The following WDR62 variants were observed in gnomAD, a reference collection of about 807,000 sequenced individuals.
WDR62 encodes the protein WD repeat-containing protein 62.
Under a neutral mutation model 160.6 loss-of-function variants are expected in WDR62, and 112 were observed. The ratio of observed to expected loss-of-function variants is 0.70; its 90% CI spans 0.60 to 0.82. WDR62 has a LOEUF of 0.82. Ranked by LOEUF, WDR62 falls within the 40% of genes least tolerant of loss-of-function variation. The probability of loss-of-function intolerance (pLI) is 0.00; values close to 1 mark genes in which losing one functional copy is unlikely to be tolerated. For missense variants in WDR62, 1,819 were observed against 1,983.8 expected (o/e 0.92, Z 1.58); for synonymous variants, 792 against 815.1 (o/e 0.97, Z 0.48).
intron 3 of WDR62, among the ~76,000 whole-genome samples, chr19:36,063,018 C>T (rs1274938693): frequency 6.6e-6 from 1 of 152,018 alleles, no homozygotes; most frequent in Admixed American, 6.6e-5. Flanking sequence ...GGGATCCTGG[C>T]TCACTGCAAC....
intron 13 of WDR62, 58 bp downstream of exon 13, chr19:36,086,870 T>G: frequency 6.3e-7 from 1 of 1,578,986 alleles, no homozygotes; most frequent in Non-Finnish European, 8.6e-7. Context: ...AAAAAAGGAT[T>G]CATTCTTTCA....
chr19:36,104,977 C>T lies in WDR62; in HGVS notation c.4521C>T (p.His1507=). 6.2e-7 allele frequency: 1 copy of T among 1,604,512 alleles called. No homozygotes were observed. Among genetic ancestry groups the T allele is most frequent in the African/African-American group, 1.3e-5 (1 of 74,948 alleles). ...CAGACCTGCAGGCCCTGCTGGAACACTACTCGGAGCTGCTGGTGCAGGCCG... is the reference window on the plus strand; with the variant it reads ...CAGACCTGCAGGCCCTGCTGGAACATTACTCGGAGCTGCTGGTGCAGGCCG... ...ASPDLQALLE[H]YSELLVQAVR... The change falls in exon 32 of 32, where the codon CAC becomes CAT. Residue 1507 remains histidine, a synonymous_variant. Transcript: ENST00000401500.
intron 6 of WDR62, 142 bp downstream of exon 6, chr19:36,067,585 G>GCCTACTCTCAGGGTGCC: frequency 7.6e-7 from 1 of 1,315,828 alleles, no homozygotes; most frequent in Non-Finnish European, 1.1e-6. Flanking sequence ...CTGCTTCTGG[G>GCCTACTCTCAGGGTGCC]CCTACTCTCA....
At chr19:36,090,629 C>A in intron 16 of WDR62, 109 bp downstream of exon 16, 1 of 992,356 alleles carries the variant, frequency 1.0e-6, no homozygotes, top group Non-Finnish European at 1.6e-6. Context: ...ACCGCGCTGC[C>A]CAGCACCTTC....
chr19:36,059,342 GGTTT>G (rs2145522280), intron 2 of WDR62, among the ~76,000 whole-genome samples: 1 of 152,198 alleles, frequency 6.6e-6, no homozygotes, highest in East Asian at 1.9e-4. Context: ...CCCCTCTCTG[GGTTT>G]GTTTCCTTAT....
At chr19:36,099,766 C>T (rs1020455930) in intron 22 of WDR62, 149 bp downstream of exon 22, 2 of 806,352 alleles carry the variant, frequency 2.5e-6, no homozygotes, top group Non-Finnish European at 4.1e-6. Context: ...GTCTGTTGCA[C>T]AGCAAGACTT....
chr19:36,088,042 A>G (rs1459462698), intron 13 of WDR62, among the ~76,000 whole-genome samples: 1 of 152,226 alleles, frequency 6.6e-6, no homozygotes, highest in East Asian at 1.9e-4. Context: ...CTCCCAGGTT[A>G]CCCTTCCTCC....
rs569499214 is a variant in WDR62 at position 36,069,012 on chromosome 19, G to T, written c.882+1002G>T. Among the ~76,000 whole-genome samples the T allele has an allele frequency of 2.5e-3, 374 of 151,482 alleles. 2 individuals carry two copies. Among genetic ancestry groups the T allele is most frequent in the Middle Eastern group, 0.011 (3 of 284 alleles). ...CCCCCACCTCCCTCCCTGACGGGCC[G>T]GCTGGCTGGGCAGGGGCTGACCCCC... On this transcript the variant is annotated intron_variant, in intron 7 of 31. Transcript: ENST00000401500.
chr19:36,096,826 A>G (rs1972994646), intron 20 of WDR62, among the ~76,000 whole-genome samples: 1 of 152,100 alleles, frequency 6.6e-6, no homozygotes, highest in Non-Finnish European at 1.5e-5. Flanking sequence ...CTTTGGTAGT[A>G]TTAAGCTTTT....
At chr19:36,085,756 GAGA>G (rs1972188690) in intron 12 of WDR62, among the ~76,000 whole-genome samples, 1 of 152,078 alleles carries the variant, frequency 6.6e-6, no homozygotes. Flanking sequence ...CATGAGATAG[GAGA>G]AGATTTCCAA....
chr19:36,102,386 G>C, intron 26 of WDR62: 1 of 627,170 alleles, frequency 1.6e-6, no homozygotes, highest in African/African-American at 1.8e-5. Context: ...TCAGCCTCCT[G>C]AGTAGCTGGG....
In WDR62 at chr19:36,069,144, C is replaced by T. The variant is rs1349118252; in HGVS notation, c.882+1134C>T. On this transcript the variant is annotated intron_variant, in intron 7 of 31. Transcript: ENST00000401500. Reference sequence around the variant, plus strand: ...GGGCTGACTCCCCCCACCTCCCTCCCGGACTGGGCGGCTGGCCGGGCGGGG... The same window carrying T: ...GGGCTGACTCCCCCCACCTCCCTCCTGGACTGGGCGGCTGGCCGGGCGGGG... Among the ~76,000 whole-genome samples, 11 of 151,148 alleles carry T rather than the reference C, an allele frequency of 7.3e-5. No individual in the cohort carries two copies. The East Asian group carries it at 7.9e-4, about 11-fold the overall frequency.
chr19:36,073,960 A>G (rs1971439483), intron 9 of WDR62: 2 of 347,368 alleles, frequency 5.8e-6, no homozygotes, highest in Admixed American at 7.6e-5. Context: ...CTCCACAGAG[A>G]GCTTTGCTGT....
chr19:36,103,200 C>T lies in WDR62; in HGVS notation c.3507C>T (p.Arg1169=). The part of the protein sequence containing the change: ...GKAEETLEAW[R]PPPPCLTSLA... ...CTGAAGAGACCCTGGAGGCCTGGCG[C>T]CCACCACGTGAGTGCCCCAGTCCCA... The change falls in exon 29 of 32, where the codon CGC becomes CGT. Residue 1169 remains arginine (R), a synonymous_variant. Coordinates refer to ENST00000401500, the MANE Select transcript of WDR62 (RefSeq NM_001083961.2). 1 of 1,613,704 alleles carries T rather than the reference C, an allele frequency of 6.2e-7. No individual in the cohort carries two copies. Among genetic ancestry groups the T allele is most frequent in the African/African-American group, 1.3e-5 (1 of 75,008 alleles).
chr19:36,087,705 G>C (rs566135423), intron 13 of WDR62, among the ~76,000 whole-genome samples: 18 of 152,250 alleles, frequency 1.2e-4, no homozygotes, highest in African/African-American at 3.9e-4. Context: ...TGTAATCCCA[G>C]CTACTTGGGA....
In WDR62 at chr19:36,058,963, T is replaced by C. The variant is rs117918219; in HGVS notation, c.269+92T>C. On this transcript the variant is annotated intron_variant, in intron 2 of 31. Transcript: ENST00000401500. ...TCCGTAAATCGCTCTGAGCCTCATA[T>C]TTTTCACCTGTAGAATGTGGAGAAT... is the stretch of plus-strand genomic sequence containing the variant. 3,185 of 1,050,350 alleles carry C rather than the reference T, an allele frequency of 3.0e-3. 7 individuals are homozygous for C. The highest frequency in any genetic ancestry group is 3.8e-3 in the Non-Finnish European group (2,637 of 687,630). 65.1% of individuals were successfully genotyped at this position (1,050,350 alleles called of 1,614,324 possible). A position where few individuals can be genotyped will look rare whatever the true frequency, so the allele number is the denominator to read the frequency against.
At chr19:36,094,271 C>G in intron 20 of WDR62, 107 bp downstream of exon 20, 1 of 1,460,654 alleles carries the variant, frequency 6.8e-7, no homozygotes. Context: ...ACTCAGGAGT[C>G]GACAGGGTGC....
Position 36,101,779 on chromosome 19 carries a change from G to A in WDR62, c.3082+5G>A. On this transcript the variant is annotated splice_donor_5th_base_variant and intron_variant, in intron 25 of 31. Transcript: ENST00000401500. ...CGTCGCTGCCCCATTTCCCAGGTAAGCAGGGGCCAGACACGCAGGGGACTC... is the reference window on the plus strand; with the variant it reads ...CGTCGCTGCCCCATTTCCCAGGTAAACAGGGGCCAGACACGCAGGGGACTC... 1.3e-6 allele frequency: 2 copies of A among 1,551,016 alleles called. No homozygotes were observed. The highest frequency in any genetic ancestry group is 1.7e-6 in the Non-Finnish European group (2 of 1,146,584).
intron 23 of WDR62, 46 bp downstream of exon 23, chr19:36,100,921 A>G (rs1401046669): frequency 6.2e-7 from 1 of 1,613,342 alleles, no homozygotes; most frequent in Non-Finnish European, 8.5e-7. Flanking sequence ...AGGAACCCCC[A>G]GCTGATAGCT....
Sources: allele counts gnomAD v4.1 joint callset (sites outside exome capture counted in the v4.1 genomes callset), GRCh38; gene constraint gnomAD v4.1.1; transcripts MANE v1.5; gene names NCBI Gene and HGNC (gene_info 2026-07-23, HGNC 2026-07-21).